The following GPR137 variants were observed in gnomAD, a reference collection of about 807,000 sequenced individuals.
GPR137 encodes the protein integral membrane protein GPR137.
A neutral mutation model predicts 38.9 loss-of-function variants in GPR137; 20 were observed. The observed-to-expected ratio is 0.51, with a 90% CI of 0.36 to 0.75. GPR137 has a LOEUF of 0.75. GPR137 is among the 30% of genes least tolerant of loss of function. The pLI is 0.00. For synonymous variants in GPR137, 226 were observed against 235.8 expected (o/e 0.96, Z 0.38); for missense variants, 456 against 526.4 (o/e 0.87, Z 1.31).
upstream of GPR137, among the ~76,000 whole-genome samples, chr11:64,273,345 C>G (rs980011772): frequency 6.6e-6 from 1 of 152,058 alleles, no homozygotes; most frequent in African/African-American, 2.4e-5. Flanking sequence ...TGCACTCCAG[C>G]CTGGGTGGCA....
rs2034487319 is a variant in GPR137, at chr11:64,289,073, T to G, written c.1068T>G (p.Gly356=). Residue 356 remains glycine, a synonymous_variant, in exon 7 of 7, where the codon GGT becomes GGG. Coordinates refer to ENST00000438980, the MANE Select transcript of GPR137 (RefSeq NM_001170880.2). ...GTCTAGGCTCTGGGAGCTGGTATGG[T>G]GCCATCGGGCGTGAGCCGGGCTGGT... ...SGSLGSGSWY[G]AIGREPGWYG... 1.9e-6 allele frequency: 3 copies of G among 1,605,730 alleles called. No homozygotes were observed. Among genetic ancestry groups the G allele is most frequent in the Non-Finnish European group, 2.5e-6 (3 of 1,177,890 alleles).
At chr11:64,285,273 T>C (rs1409986527), upstream of GPR137, 14 of 985,458 alleles carry the variant, frequency 1.4e-5, no homozygotes, top group South Asian at 4.6e-5. Context: ...GAAAGGAACC[T>C]CCTCCCTGGC....
chr11:64,286,213 TC>T lies in GPR137; in HGVS notation c.-306del. ...GGAGTCCTCTCCTTGGGCCTCTGCA[TC>T]CCCCCATCCTTGGCTCTGGGGTAGG... On this transcript the variant is annotated 5_prime_UTR_variant, in exon 1 of 7. The change abolishes the stop of an existing upstream ORF in the 5' untranslated region. Coordinates refer to ENST00000438980, the MANE Select transcript of GPR137 (RefSeq NM_001170880.2). 8.6e-7 allele frequency: 1 copy of T among 1,161,546 alleles called. No homozygotes were observed. The highest frequency in any genetic ancestry group is 1.1e-6 in the Non-Finnish European group (1 of 940,098). The allele number at this position is 1,161,546 out of a possible 1,614,324, so 72.0% of individuals were successfully genotyped here. A position where few individuals can be genotyped will look rare whatever the true frequency, so the allele number is the denominator to read the frequency against.
chr11:64,286,304 T>C lies in GPR137; in HGVS notation c.-221T>C. 7.1e-7 allele frequency: 1 copy of C among 1,398,854 alleles called. No individual in the cohort carries two copies. The highest frequency in any genetic ancestry group is 3.1e-5 in the Admixed American group (1 of 32,322). The allele number at this position is 1,398,854 out of a possible 1,614,324, so 86.7% of individuals were successfully genotyped here. On this transcript the variant is annotated 5_prime_UTR_variant, in exon 1 of 7. It removes an upstream start codon present in the reference 5' UTR. Transcript: ENST00000438980. ...CTGGAGAAAAGAGACTGCCCTTCCATGCCCCTGAGTGAGGGGCCTGGGGCC... is the reference window on the plus strand; with the variant it reads ...CTGGAGAAAAGAGACTGCCCTTCCACGCCCCTGAGTGAGGGGCCTGGGGCC...
At chr11:64,271,683 T>G, upstream of GPR137, 1 of 1,481,664 alleles carries the variant, frequency 6.7e-7, no homozygotes, top group Non-Finnish European at 9.0e-7. Context: ...TGCCCAGAGG[T>G]TGGGGGGCGC....
At chr11:64,286,902 G>A (rs1267971056) in intron 1 of GPR137, 21 bp downstream of exon 1, 1 of 1,600,166 alleles carries the variant, frequency 6.2e-7, no homozygotes, top group African/African-American at 1.3e-5. Context: ...GTGGTCCCGG[G>A]TGGGGGGCGG....
chr11:64,288,219 G>T lies in GPR137; in HGVS notation c.783+5G>T. 2.5e-6 allele frequency: 4 copies of T among 1,611,530 alleles called. No individual in the cohort carries two copies. Among genetic ancestry groups the T allele is most frequent in the Non-Finnish European group, 2.5e-6 (3 of 1,178,802 alleles). Reference sequence around the variant, plus strand: ...TGGTACAATGTGTCTGACCAGGTGGGCATACGCATGTCTGCCACCTCCTTA... The same window carrying T: ...TGGTACAATGTGTCTGACCAGGTGGTCATACGCATGTCTGCCACCTCCTTA... On this transcript the variant is annotated splice_donor_5th_base_variant and intron_variant, in intron 4 of 6. Coordinates refer to ENST00000438980, the MANE Select transcript of GPR137 (RefSeq NM_001170880.2). This position sits in a 1 kb window ranked among gnomAD's most constrained non-coding sequence, Gnocchi z 5.5.
At chr11:64,271,655 G>A (rs192629069), upstream of GPR137, 2 of 1,508,578 alleles carry the variant, frequency 1.3e-6, no homozygotes, top group East Asian at 2.7e-5. Context: ...TCCGGAGCTC[G>A]CGGCCATAGC....
chr11:64,277,151 A>G, intron 2 of GPR137: 1 of 603,856 alleles, frequency 1.7e-6, no homozygotes, highest in Non-Finnish European at 3.0e-6. Context: ...GGAGCAGTGA[A>G]GCTCTGCCAT....
At chr11:64,284,605 C>T, upstream of GPR137, 1 of 1,502,530 alleles carries the variant, frequency 6.7e-7, no homozygotes, top group Non-Finnish European at 8.9e-7. Context: ...CCCGCCCCGC[C>T]CGTGGTGACG....
chr11:64,271,594 G>T, upstream of GPR137: 2 of 1,411,720 alleles, frequency 1.4e-6, no homozygotes, highest in Non-Finnish European at 9.2e-7. Flanking sequence ...GTCCTGGCAC[G>T]CTGGGGACTG....
rs1001263214 is a variant in GPR137 at position 64,286,888 on chromosome 11, A to G, written c.357+7A>G. 2 of 1,514,766 alleles carry G rather than the reference A, an allele frequency of 1.3e-6. No individual in the cohort carries two copies. Among genetic ancestry groups the G allele is most frequent in the Non-Finnish European group, 9.2e-7 (1 of 1,092,226 alleles). The allele number at this position is 1,514,766 out of a possible 1,614,324, so 93.8% of individuals were successfully genotyped here. On this transcript the variant is annotated splice_region_variant and intron_variant, in intron 1 of 6. Coordinates refer to ENST00000438980, the MANE Select transcript of GPR137 (RefSeq NM_001170880.2). Reference sequence around the variant, plus strand: ...GAACCTCTACTTTGCCCAGGTAACCAACTGTGGTCCCGGGTGGGGGGCGGG... The same window carrying G: ...GAACCTCTACTTTGCCCAGGTAACCGACTGTGGTCCCGGGTGGGGGGCGGG...
rs1591211869 is a variant in GPR137, at chr11:64,288,245, G to A, written c.783+31G>A. ...CATACGCATGTCTGCCACCTCCTTA[G>A]TAGCCGTGGCACCTTGGCCCCAGCT... On this transcript the variant is annotated intron_variant, in intron 4 of 6. Transcript: ENST00000438980. The surrounding 1 kb of genome is among the most constrained non-coding windows in gnomAD (Gnocchi z 5.5). 6.2e-7 allele frequency: 1 copy of A among 1,610,344 alleles called. No individual in the cohort carries two copies. The highest frequency in any genetic ancestry group is 8.5e-7 in the Non-Finnish European group (1 of 1,177,946).
At chr11:64,284,166 G>A (rs771212031), upstream of GPR137, 29 of 1,561,218 alleles carry the variant, frequency 1.9e-5, 1 homozygote, top group Middle Eastern at 2.4e-3. Context: ...GCAGGTGGAG[G>A]TGGTGGGGTA....
At chr11:64,284,311 T>C (rs1390390031), upstream of GPR137, 2 of 1,612,592 alleles carry the variant, frequency 1.2e-6, no homozygotes, top group East Asian at 2.2e-5. Flanking sequence ...CCCAGGCCCC[T>C]CTCTGCAGAG....
upstream of GPR137, chr11:64,284,956 G>T: frequency 2.1e-6 from 3 of 1,396,072 alleles, no homozygotes. Context: ...ACCCACTTCT[G>T]CCAACAAGTC....
chr11:64,283,868 C>T (rs1292669580), upstream of GPR137, among the ~76,000 whole-genome samples: 1 of 152,170 alleles, frequency 6.6e-6, no homozygotes, highest in East Asian at 1.9e-4. Flanking sequence ...CTTCTGGGCT[C>T]AAGCGATCCT....
rs2033964511 is a variant in GPR137 at position 64,285,972 on chromosome 11, T to G, written c.-553T>G. ...CCTTGAGGCTGGAGCGTGGACGCGGTGGGGGAGGGTGGGGCGGGGGCAGCT... is the reference window on the plus strand; with the variant it reads ...CCTTGAGGCTGGAGCGTGGACGCGGGGGGGGAGGGTGGGGCGGGGGCAGCT... On this transcript the variant is annotated 5_prime_UTR_variant, in exon 1 of 7. Coordinates refer to ENST00000438980, the MANE Select transcript of GPR137 (RefSeq NM_001170880.2). 12 of 919,450 alleles carry G rather than the reference T, an allele frequency of 1.3e-5. No individual in the cohort carries two copies. Among genetic ancestry groups the G allele is most frequent in the South Asian group, 5.1e-5 (1 of 19,576 alleles). 57.0% of individuals were successfully genotyped at this position (919,450 alleles called of 1,614,324 possible). A position where few individuals can be genotyped will look rare whatever the true frequency, so the allele number is the denominator to read the frequency against.
At chr11:64,283,794 CTA>C (rs151169982), upstream of GPR137, among the ~76,000 whole-genome samples, 7 of 150,800 alleles carry the variant, frequency 4.6e-5, no homozygotes, top group Middle Eastern at 3.5e-3. Context: ...CTAATAGCTG[CTA>C]TATATATATA....
Sources: gnomAD v4.1 joint callset for allele counts (sites outside exome capture counted in the v4.1 genomes callset) on GRCh38, gnomAD v4.1.1 for gene constraint, Gnocchi (gnomAD v3.1) non-coding constraint, MANE v1.5 for transcripts, NCBI Gene and HGNC (gene_info 2026-07-23, HGNC 2026-07-21) for gene names.